The following FBXL4 variants were observed in gnomAD, a reference collection of about 807,000 sequenced individuals.
The protein encoded by FBXL4 is F-box/LRR-repeat protein 4.
FBXL4 carries 40 observed loss-of-function variants against 58.9 expected under a neutral mutation model. The ratio of observed to expected loss-of-function variants is 0.68; its 90% CI spans 0.53 to 0.88. FBXL4 has a LOEUF of 0.88. Ranked by LOEUF, FBXL4 falls within the 40% of genes least tolerant of loss-of-function variation. The probability of loss-of-function intolerance (pLI) is 0.00; values close to 1 mark genes in which losing one functional copy is unlikely to be tolerated. For synonymous variants in FBXL4, 263 were observed against 265.5 expected (o/e 0.99, Z 0.09); for missense variants, 676 against 734.4 (o/e 0.92, Z 0.92).
chr6:98,897,755 G>A (rs999583567), intron 7 of FBXL4, among the ~76,000 whole-genome samples: 4 of 152,180 alleles, frequency 2.6e-5, no homozygotes, highest in African/African-American at 9.6e-5. Flanking sequence ...ACAGTACAAA[G>A]AGGCCAAACA....
intron 7 of FBXL4, among the ~76,000 whole-genome samples, chr6:98,880,836 T>G (rs1345946778): frequency 1.3e-5 from 2 of 152,158 alleles, no homozygotes; most frequent in Non-Finnish European, 2.9e-5. Context: ...CTAGTCTCCA[T>G]GTAAGTAATC....
chr6:98,914,820 G>T (rs1351478740), intron 5 of FBXL4, among the ~76,000 whole-genome samples: 1 of 152,156 alleles, frequency 6.6e-6, no homozygotes, highest in Non-Finnish European at 1.5e-5. Context: ...TCTGGCCAGG[G>T]CAATTAGGCA....
chr6:98,932,524 G>A (rs1773050137), intron 2 of FBXL4, among the ~76,000 whole-genome samples: 1 of 152,204 alleles, frequency 6.6e-6, no homozygotes, highest in African/African-American at 2.4e-5. Context: ...ATAGACAAGG[G>A]AGAACATATG....
chr6:98,926,389 A>T, intron 4 of FBXL4, 88 bp downstream of exon 4: 1 of 1,354,632 alleles, frequency 7.4e-7, no homozygotes, highest in South Asian at 1.5e-5. Context: ...AGTTACTTAA[A>T]AGAATGCTTG....
chr6:98,914,908 A>G (rs1005957977), intron 5 of FBXL4, among the ~76,000 whole-genome samples: 2 of 152,218 alleles, frequency 1.3e-5, no homozygotes, highest in Non-Finnish European at 2.9e-5. Context: ...ATGATTGTAT[A>G]TCTAGAAAAC....
Position 98,923,241 on chromosome 6 carries a change from T to C in FBXL4, c.512+3236A>G, listed in dbSNP as rs1026052529. 2.0e-5 allele frequency among the ~76,000 whole-genome samples: 3 copies of C among 152,160 alleles called. 1 individual carries two copies. Among genetic ancestry groups the C allele is most frequent in the African/African-American group, 7.2e-5 (3 of 41,432 alleles). On this transcript the variant is annotated intron_variant, in intron 4 of 9. Transcript: ENST00000369244. ...CCTTGCTTGATTTTTCCCATCATGCTTTCCCTACTCCTTTACTAGCTTCTC... is the reference window on the plus strand; with the variant it reads ...CCTTGCTTGATTTTTCCCATCATGCCTTCCCTACTCCTTTACTAGCTTCTC...
intron 7 of FBXL4, among the ~76,000 whole-genome samples, chr6:98,883,152 T>C (rs1770912270): frequency 1.3e-5 from 2 of 152,058 alleles, no homozygotes; most frequent in Non-Finnish European, 2.9e-5. Flanking sequence ...CAGAATGGTA[T>C]AATTTGCATT....
chr6:98,938,490 T>C (rs1773307077), intron 1 of FBXL4, among the ~76,000 whole-genome samples: 1 of 152,212 alleles, frequency 6.6e-6, no homozygotes. Context: ...TAATACTTCC[T>C]GACTTCAGGG....
intron 7 of FBXL4, among the ~76,000 whole-genome samples, chr6:98,885,393 C>A (rs980110650): frequency 1.3e-5 from 2 of 152,058 alleles, no homozygotes; most frequent in Admixed American, 1.3e-4. Flanking sequence ...AGTCACTACG[C>A]CCTGCCAATT....
chr6:98,940,233 A>G (rs1271356727), intron 1 of FBXL4, among the ~76,000 whole-genome samples: 2 of 152,162 alleles, frequency 1.3e-5, no homozygotes, highest in Non-Finnish European at 2.9e-5. Flanking sequence ...AAGTTTTTCA[A>G]ATTGTTGCAA....
rs1477559307 is a variant in FBXL4, at chr6:98,872,455, T to A, written c.*1823A>T. On this transcript the variant is annotated 3_prime_UTR_variant, in exon 10 of 10. Coordinates refer to ENST00000369244, the MANE Select transcript of FBXL4 (RefSeq NM_001278716.2). ...CAGATCAGCATTAACAAATGAGTAC[T>A]TACAATCAACTTTAATGACACGAAA... The A allele has an allele frequency of 2.6e-5, 4 of 152,174 alleles. No homozygotes were observed. Among genetic ancestry groups the A allele is most frequent in the Non-Finnish European group, 5.9e-5 (4 of 68,034 alleles). The allele number at this position is 152,174 out of a possible 1,614,324, so 9.4% of individuals were successfully genotyped here.
Position 98,917,736 on chromosome 6 carries a change from C to T in FBXL4, c.513-17G>A, listed in dbSNP as rs1275060037. 2 of 1,562,268 alleles carry T rather than the reference C, an allele frequency of 1.3e-6. No homozygotes were observed. Among genetic ancestry groups the T allele is most frequent in the Non-Finnish European group, 1.7e-6 (2 of 1,155,102 alleles). Reference sequence around the variant, plus strand: ...ATCTCCCATCTGCCAAAAAAAGAAACTTCCCTATAATACAGTTTAGAATGA... The same window carrying T: ...ATCTCCCATCTGCCAAAAAAAGAAATTTCCCTATAATACAGTTTAGAATGA... On this transcript the variant is annotated splice_polypyrimidine_tract_variant and intron_variant, in intron 4 of 9. Coordinates refer to ENST00000369244, the MANE Select transcript of FBXL4 (RefSeq NM_001278716.2).
intron 2 of FBXL4, among the ~76,000 whole-genome samples, chr6:98,931,665 TAA>T (rs1466844192): frequency 2.0e-5 from 3 of 152,104 alleles, no homozygotes; most frequent in Admixed American, 1.3e-4. Context: ...GGCATAGAAA[TAA>T]AAAAGAGAAA....
At chr6:98,942,838 T>A (rs889674572) in intron 1 of FBXL4, among the ~76,000 whole-genome samples, 1 of 152,008 alleles carries the variant, frequency 6.6e-6, no homozygotes, top group Non-Finnish European at 1.5e-5. Context: ...ATGGGAAGAA[T>A]GAGGGCAAAA....
chr6:98,916,359 C>T (rs1305165242), intron 5 of FBXL4, among the ~76,000 whole-genome samples: 2 of 152,192 alleles, frequency 1.3e-5, no homozygotes, highest in East Asian at 1.9e-4. Flanking sequence ...TAGAAAGACA[C>T]ATGCACACGT....
intron 7 of FBXL4, among the ~76,000 whole-genome samples, chr6:98,888,685 G>A (rs1296867975): frequency 6.6e-6 from 1 of 152,116 alleles, no homozygotes; most frequent in East Asian, 1.9e-4. Context: ...ATAGTGCAAG[G>A]CAGCAGATTC....
At chr6:98,903,510 C>T (rs182341374) in intron 6 of FBXL4, among the ~76,000 whole-genome samples, 2 of 152,094 alleles carry the variant, frequency 1.3e-5, no homozygotes, top group South Asian at 2.1e-4. Flanking sequence ...ATTCAAACTG[C>T]TCTACAGCAA....
At chr6:98,874,479 C>A in intron 9 of FBXL4, 38 bp from the exon 10 acceptor site, 1 of 1,540,924 alleles carries the variant, frequency 6.5e-7, no homozygotes, top group Non-Finnish European at 8.8e-7. Flanking sequence ...AACAAAACAC[C>A]TTAAGTATAA....
At chr6:98,935,795 C>CAAAAAAAAAAAAAAAAAAAAAAAAAA (rs372124984) in intron 1 of FBXL4, among the ~76,000 whole-genome samples, 12 of 117,656 alleles carry the variant, frequency 1.0e-4, no homozygotes, top group African/African-American at 4.2e-4. Flanking sequence ...GACTCCGTCT[C>CAAAAAAAAAAAAAAAAAAAAAAAAAA]AAAAAAAAAA....
Sources: gnomAD v4.1 joint callset for allele counts (sites outside exome capture counted in the v4.1 genomes callset) on GRCh38, gnomAD v4.1.1 for gene constraint, MANE v1.5 for transcripts, NCBI Gene and HGNC (gene_info 2026-07-23, HGNC 2026-07-21) for gene names.